The following GSE1 variants were observed in gnomAD, a reference collection of about 807,000 sequenced individuals.
GSE1 encodes genetic suppressor element 1.
In GSE1, 32 loss-of-function variants were observed where a neutral mutation model predicts 112.6. The observed-to-expected ratio is 0.28, with a 90% CI of 0.21 to 0.38. GSE1 has a LOEUF of 0.38. Among genes scored for constraint, GSE1 ranks in the 10% least tolerant of loss-of-function variants. The pLI is 1.00. For synonymous variants in GSE1, 1,115 were observed against 735.6 expected, an observed-to-expected ratio of 1.52 and a Z score of -8.35; for missense variants, 2,348 against 1,699.2, an observed-to-expected ratio of 1.38 and a Z score of -6.71.
chr16:85,642,718 G>A (rs1427824059), intron 2 of GSE1, among the ~76,000 whole-genome samples: 38 of 152,328 alleles, frequency 2.5e-4, no homozygotes, highest in Middle Eastern at 3.4e-3. Flanking sequence ...TCTCTCCACC[G>A]TTCCCCTGAG....
chr16:85,191,277 AAAC>A (rs934127477), intron 1 of GSE1, among the ~76,000 whole-genome samples: 6 of 152,202 alleles, frequency 3.9e-5, no homozygotes, highest in Admixed American at 2.0e-4. Flanking sequence ...ACGACAACAA[AAAC>A]AACAACAACA....
At chr16:85,551,184 T>G (rs1431516079), upstream of GSE1, among the ~76,000 whole-genome samples, 1 of 152,116 alleles carries the variant, frequency 6.6e-6, no homozygotes, top group Non-Finnish European at 1.5e-5. Context: ...AGCTGAGGGA[T>G]GGGGACAGAG....
Position 85,666,042 on chromosome 16 carries a change from A to G in GSE1, c.2825A>G (p.Asp942Gly). The change falls in exon 13 of 16, where the codon GAC becomes GGC. Residue 942 changes from aspartate to glycine, a missense_variant. Physicochemically the swap from Asp to Gly is moderately conservative, Grantham distance 94. Transcript: ENST00000253458. ...GTTGGTGTTGCTGCTTCCTTGTCTG[A>G]CATCCCAAAGGCCGCGGAGCCTGGG... ...KPVGVAASLS[D>G]IPKAAEPGKL... 1 of 1,613,674 alleles carries G rather than the reference A, an allele frequency of 6.2e-7. No homozygotes were observed. Among genetic ancestry groups the G allele is most frequent in the Non-Finnish European group, 8.5e-7 (1 of 1,180,030 alleles).
intron 2 of GSE1, among the ~76,000 whole-genome samples, chr16:85,374,309 G>A (rs975749594): frequency 6.7e-6 from 1 of 149,252 alleles, no homozygotes; most frequent in Non-Finnish European, 1.5e-5. Flanking sequence ...TGTGGCCCTC[G>A]GTGTGCAGTG....
chr16:85,660,328 T>G (rs1244181664), intron 8 of GSE1, among the ~76,000 whole-genome samples: 1 of 152,196 alleles, frequency 6.6e-6, no homozygotes, highest in African/African-American at 2.4e-5. Flanking sequence ...TGGAGCAGCC[T>G]GCACACACCT....
intron 1 of GSE1, among the ~76,000 whole-genome samples, chr16:85,201,275 T>G (rs1310495306): frequency 1.3e-5 from 2 of 151,800 alleles, no homozygotes; most frequent in Admixed American, 1.3e-4. Context: ...CTCCCTGTGT[T>G]GCTCAGGCTG....
At chr16:85,348,248 A>T (rs569220007) in intron 1 of GSE1, among the ~76,000 whole-genome samples, 1 of 151,588 alleles carries the variant, frequency 6.6e-6, no homozygotes, top group African/African-American at 2.4e-5. Context: ...TCATCCATCC[A>T]TCCATCATCC....
intron 2 of GSE1, among the ~76,000 whole-genome samples, chr16:85,479,015 A>C (rs1299186631): frequency 5.3e-4 from 26 of 49,434 alleles, no homozygotes; most frequent in South Asian, 1.5e-3. Flanking sequence ...CTCCCTCCCT[A>C]CCTCCTTCCT....
intron 1 of GSE1, among the ~76,000 whole-genome samples, chr16:85,278,473 C>G (rs1909592719): frequency 6.6e-6 from 1 of 152,186 alleles, no homozygotes; most frequent in African/African-American, 2.4e-5. Context: ...TCATTTGAGC[C>G]TGGTCAGACT....
In GSE1 at chr16:85,634,152, T is replaced by C. The variant is rs1181577252; in HGVS notation, c.226+20T>C. 1 of 1,421,414 alleles carries C rather than the reference T, an allele frequency of 7.0e-7. No homozygotes were observed. The highest frequency in any genetic ancestry group is 9.2e-7 in the Non-Finnish European group (1 of 1,092,296). 88.1% of individuals were successfully genotyped at this position (1,421,414 alleles called of 1,614,324 possible). On this transcript the variant is annotated intron_variant, in intron 2 of 15. Coordinates refer to ENST00000253458, the MANE Select transcript of GSE1 (RefSeq NM_014615.5). ...CCAGAGGTAAGGGGGCCCGCCAGGC[T>C]GCGCGTGGGGGGAGCGGCGGCTCCC... is the stretch of plus-strand genomic sequence containing the variant.
At chr16:85,236,120 T>A (rs1293433750) in intron 1 of GSE1, among the ~76,000 whole-genome samples, 1 of 151,946 alleles carries the variant, frequency 6.6e-6, no homozygotes, top group African/African-American at 2.4e-5. Context: ...GGGCAGGCTG[T>A]AAGCTGGGCC....
chr16:85,502,580 G>A (rs568141663), intron 2 of GSE1, among the ~76,000 whole-genome samples: 4 of 152,342 alleles, frequency 2.6e-5, no homozygotes, highest in Admixed American at 6.5e-5. Context: ...CTGGTGGTCC[G>A]AGTTCTTGGT....
intron 15 of GSE1, 164 bp from the exon 16 acceptor site, chr16:85,672,241 C>T (rs555655545): frequency 6.9e-5 from 42 of 610,910 alleles, no homozygotes; most frequent in South Asian, 1.1e-4. Flanking sequence ...GTGATCTGCC[C>T]GCCTCGACCT....
intron 2 of GSE1, among the ~76,000 whole-genome samples, chr16:85,393,396 C>T (rs973559485): frequency 6.6e-6 from 1 of 152,204 alleles, no homozygotes; most frequent in African/African-American, 2.4e-5. Context: ...GACCTGGTGT[C>T]TGTGATTGAT....
In GSE1 at chr16:85,654,669, C is replaced by A; in HGVS notation, c.600-125C>A. 1.1e-5 allele frequency: 8 copies of A among 746,002 alleles called. No individual in the cohort carries two copies. In the South Asian group the frequency reaches 1.3e-4, roughly 12 times the overall value. 46.2% of individuals were successfully genotyped at this position (746,002 alleles called of 1,614,324 possible). ...CCGCTGCTTAAGCCCCGTCCTCGTT[C>A]GGGGTGCCAGGAGTCTGGGTGCCGA... On this transcript the variant is annotated intron_variant, in intron 4 of 15. Transcript: ENST00000253458.
At chr16:85,536,830 G>GCC (rs2044345132) in intron 2 of GSE1, among the ~76,000 whole-genome samples, 1 of 152,270 alleles carries the variant, frequency 6.6e-6, no homozygotes, top group African/African-American at 2.4e-5. Flanking sequence ...CAGGCAAAGG[G>GCC]ATGGGGCTGC....
chr16:85,336,871 CACAT>C (rs1216186497), intron 1 of GSE1, among the ~76,000 whole-genome samples: 1 of 152,246 alleles, frequency 6.6e-6, no homozygotes, highest in Non-Finnish European at 1.5e-5. Flanking sequence ...CACACGTTCA[CACAT>C]ACACATGCTC....
intron 3 of GSE1, among the ~76,000 whole-genome samples, chr16:85,653,399 G>GTGTGCGGGGCAGCC (rs1240178951): frequency 1.4e-5 from 2 of 146,074 alleles, no homozygotes; most frequent in African/African-American, 5.1e-5. Context: ...GACCCTGCGT[G>GTGTGCGGGGCAGCC]TGTGCGGGGC....
intron 1 of GSE1, among the ~76,000 whole-genome samples, chr16:85,567,306 C>T (rs962678721): frequency 2.0e-5 from 3 of 152,192 alleles, no homozygotes; most frequent in Admixed American, 6.5e-5. Context: ...TTTATTCTCC[C>T]AGCTGCTGTG....
Sources: allele counts gnomAD v4.1 joint callset (sites outside exome capture counted in the v4.1 genomes callset), GRCh38; gene constraint gnomAD v4.1.1; transcripts MANE v1.5; gene names NCBI Gene and HGNC (gene_info 2026-07-23, HGNC 2026-07-21).